SNX3: variants seen among roughly 807,000 people sequenced by gnomAD.
SNX3 encodes the protein sorting nexin 3.
In SNX3, 5 loss-of-function variants were observed where a neutral mutation model predicts 17.7. The ratio of observed to expected loss-of-function variants is 0.28; its 90% CI spans 0.15 to 0.59. The LOEUF (loss-of-function observed/expected upper bound fraction) is 0.59. Ranked by LOEUF, SNX3 falls within the 20% of genes least tolerant of loss-of-function variation. The probability of loss-of-function intolerance (pLI) is 0.88; values close to 1 mark genes in which losing one functional copy is unlikely to be tolerated. For synonymous variants in SNX3, 91 were observed against 76.5 expected, an observed-to-expected ratio of 1.19 and a Z score of -0.99; for missense variants, 132 against 206.8, an observed-to-expected ratio of 0.64 and a Z score of 2.22.
At chr6:108,220,366 TA>T (rs923289209) in intron 2 of SNX3, among the ~76,000 whole-genome samples, 244 of 144,172 alleles carry the variant, frequency 1.7e-3, no homozygotes, top group Admixed American at 1.5e-3. Flanking sequence ...TTCCATGCTT[TA>T]AAAAAAAAAA....
chr6:108,232,813 C>T (rs1424321068), intron 1 of SNX3, among the ~76,000 whole-genome samples: 2 of 152,162 alleles, frequency 1.3e-5, no homozygotes, highest in Non-Finnish European at 2.9e-5. Context: ...TAAGCTATTG[C>T]TTCACCCTTC....
chr6:108,229,723 A>C (rs537437506), intron 1 of SNX3, among the ~76,000 whole-genome samples: 1 of 152,350 alleles, frequency 6.6e-6, no homozygotes, highest in African/African-American at 2.4e-5. Flanking sequence ...AAAATGGTGA[A>C]AATAGTGTGA....
chr6:108,248,736 G>T (rs143967457), intron 1 of SNX3, among the ~76,000 whole-genome samples: 1 of 152,012 alleles, frequency 6.6e-6, no homozygotes, highest in African/African-American at 2.4e-5. Flanking sequence ...TGGTATCACA[G>T]TTTCTCAATT....
At chr6:108,236,531 C>T (rs1210761845) in intron 1 of SNX3, among the ~76,000 whole-genome samples, 1 of 150,950 alleles carries the variant, frequency 6.6e-6, no homozygotes, top group Admixed American at 6.6e-5. Context: ...CTACAGGCGC[C>T]CGCCACTACG....
intron 1 of SNX3, among the ~76,000 whole-genome samples, chr6:108,236,408 G>C (rs1218738175): frequency 3.5e-5 from 5 of 143,574 alleles, no homozygotes; most frequent in African/African-American, 1.3e-4. Context: ...TTTTGAGACG[G>C]AGTCTCGCTC....
chr6:108,254,092 A>G (rs1464288304), intron 1 of SNX3, among the ~76,000 whole-genome samples: 12 of 149,712 alleles, frequency 8.0e-5, no homozygotes, highest in Non-Finnish European at 1.8e-4. Flanking sequence ...GCACCACCTC[A>G]CTCCAGCCTG....
At chr6:108,220,453 G>A (rs572471432) in intron 2 of SNX3, among the ~76,000 whole-genome samples, 2 of 151,936 alleles carry the variant, frequency 1.3e-5, no homozygotes, top group Non-Finnish European at 2.9e-5. Context: ...TGTTACAACT[G>A]CCTGTAGTAT....
rs540671479 is a variant in SNX3, at chr6:108,260,974, A to AGCCGCC, written c.-59_-54dup. ...GGCTCCCTCCGCCCCCTCCGCGTTC[A>AGCCGCC]GCCGCCGCCGCCGCCGCTGCTGCCC... On this transcript the variant is annotated 5_prime_UTR_variant, in exon 1 of 4. Coordinates refer to ENST00000230085, the MANE Select transcript of SNX3 (RefSeq NM_003795.6). The AGCCGCC allele has an allele frequency of 8.1e-5, 116 of 1,429,964 alleles. 1 individual carries two copies. The highest frequency in any genetic ancestry group is 9.6e-5 in the Non-Finnish European group (105 of 1,096,724). 88.6% of individuals were successfully genotyped at this position (1,429,964 alleles called of 1,614,324 possible).
chr6:108,245,077 AT>A, intron 1 of SNX3, among the ~76,000 whole-genome samples: 1 of 152,192 alleles, frequency 6.6e-6, no homozygotes, highest in Non-Finnish European at 1.5e-5. Flanking sequence ...CCCCACATGC[AT>A]TAGGTATTTG....
chr6:108,220,406 T>C (rs1218167075), intron 2 of SNX3, among the ~76,000 whole-genome samples: 2 of 152,134 alleles, frequency 1.3e-5, no homozygotes, highest in African/African-American at 4.8e-5. Flanking sequence ...TTTTACCATA[T>C]CTTTTATATG....
chr6:108,238,347 A>G (rs1775416298), intron 1 of SNX3, among the ~76,000 whole-genome samples: 2 of 152,208 alleles, frequency 1.3e-5, no homozygotes, highest in Admixed American at 1.3e-4. Flanking sequence ...AAGAGAGTAC[A>G]TAATCTTTGG....
chr6:108,231,005 CA>C (rs1299572180), intron 1 of SNX3, among the ~76,000 whole-genome samples: 2 of 151,632 alleles, frequency 1.3e-5, no homozygotes, highest in Non-Finnish European at 2.9e-5. Context: ...AGAAGACAGG[CA>C]AAAAAAGAGG....
chr6:108,234,425 G>A (rs1410928427), intron 1 of SNX3, among the ~76,000 whole-genome samples: 2 of 151,980 alleles, frequency 1.3e-5, no homozygotes, highest in Non-Finnish European at 2.9e-5. Flanking sequence ...GGAGGCATGT[G>A]CCTGTAGTTC....
chr6:108,222,783 A>T (rs1390808629), intron 2 of SNX3, among the ~76,000 whole-genome samples, 167 bp downstream of exon 2: 1 of 152,212 alleles, frequency 6.6e-6, no homozygotes, highest in African/African-American at 2.4e-5. Context: ...AAGAGTTCTA[A>T]GGAAAATTTA....
At chr6:108,238,875 C>T (rs532065789) in intron 1 of SNX3, among the ~76,000 whole-genome samples, 47 of 151,448 alleles carry the variant, frequency 3.1e-4, no homozygotes, top group African/African-American at 9.7e-4. Flanking sequence ...ATGATAGGAG[C>T]TAACCACAAA....
At chr6:108,247,194 G>GT (rs1327168220) in intron 1 of SNX3, among the ~76,000 whole-genome samples, 1 of 151,966 alleles carries the variant, frequency 6.6e-6, no homozygotes, top group East Asian at 1.9e-4. Context: ...TTCCATGCTT[G>GT]TAAGTTTCCT....
intron 2 of SNX3, among the ~76,000 whole-genome samples, chr6:108,222,472 C>T (rs537031658): frequency 2.6e-5 from 4 of 152,298 alleles, no homozygotes; most frequent in South Asian, 2.1e-4. Flanking sequence ...CATTTAAAAA[C>T]GCTAATCTGA....
intron 1 of SNX3, among the ~76,000 whole-genome samples, chr6:108,248,722 G>A (rs1260179567): frequency 2.0e-5 from 3 of 152,042 alleles, no homozygotes; most frequent in African/African-American, 7.2e-5. Flanking sequence ...GTCCCATTTA[G>A]AGCTGGTATC....
chr6:108,227,992 A>C (rs1339426237), intron 1 of SNX3, among the ~76,000 whole-genome samples: 1 of 152,168 alleles, frequency 6.6e-6, no homozygotes, highest in Non-Finnish European at 1.5e-5. Flanking sequence ...ATAAAAGGGC[A>C]CCATGCTAGA....
Sources: allele counts gnomAD v4.1 joint callset (sites outside exome capture counted in the v4.1 genomes callset), GRCh38; gene constraint gnomAD v4.1.1; transcripts MANE v1.5; gene names NCBI Gene and HGNC (gene_info 2026-07-23, HGNC 2026-07-21).